The following BRF1 variants were observed in gnomAD, a reference collection of about 807,000 sequenced individuals.
The protein encoded by BRF1 is transcription factor IIIB 90 kDa subunit.
Under a neutral mutation model 81.7 loss-of-function variants are expected in BRF1, and 59 were observed. The observed-to-expected ratio is 0.72, with a 90% CI of 0.59 to 0.90. The LOEUF (loss-of-function observed/expected upper bound fraction) is 0.90. Ranked by LOEUF, BRF1 falls within the 40% of genes least tolerant of loss-of-function variation. The probability of loss-of-function intolerance (pLI) is 0.00; values close to 1 mark genes in which losing one functional copy is unlikely to be tolerated. For synonymous variants in BRF1, 491 were observed against 395.6 expected (o/e 1.24, Z -2.86); for missense variants, 1,050 against 936.3 (o/e 1.12, Z -1.58).
chr14:105,268,850 G>T lies in BRF1; in HGVS notation c.439+3871C>A, dbSNP rs587659196. 2.6e-5 allele frequency among the ~76,000 whole-genome samples: 4 copies of T among 152,322 alleles called. No individual in the cohort carries two copies. The East Asian group carries it at 7.7e-4, about 29-fold the overall frequency. On this transcript the variant is annotated intron_variant, in intron 3 of 17. Coordinates refer to ENST00000547530, the MANE Select transcript of BRF1 (RefSeq NM_001519.4). ...GCGAGTCCAGAAGGTGACGGGAGCTGTGCAGGCAGCAGGGCTGGGCCAAGC... is the reference window on the plus strand; with the variant it reads ...GCGAGTCCAGAAGGTGACGGGAGCTTTGCAGGCAGCAGGGCTGGGCCAAGC...
chr14:105,209,474 G>A lies in BRF1; in HGVS notation c.*1077C>T. 2.9e-6 allele frequency: 2 copies of A among 700,458 alleles called. No individual in the cohort carries two copies. The highest frequency in any genetic ancestry group is 5.2e-6 in the Non-Finnish European group (2 of 384,180). The allele number at this position is 700,458 out of a possible 1,614,324, so 43.4% of individuals were successfully genotyped here. A position where few individuals can be genotyped will look rare whatever the true frequency, so the allele number is the denominator to read the frequency against. Reference sequence around the variant, plus strand: ...CATGGGGAGGATGAGGCCCCTGGGGGTCAGTGAGGCACGGCTCTGCCTCAA... The same window carrying A: ...CATGGGGAGGATGAGGCCCCTGGGGATCAGTGAGGCACGGCTCTGCCTCAA... On this transcript the variant is annotated 3_prime_UTR_variant, in exon 18 of 18. Coordinates refer to ENST00000547530, the MANE Select transcript of BRF1 (RefSeq NM_001519.4).
chr14:105,302,225 CG>C (rs1196871668), upstream of BRF1, among the ~76,000 whole-genome samples: 1 of 137,428 alleles, frequency 7.3e-6, no homozygotes, highest in Non-Finnish European at 1.5e-5. Context: ...TTTTTTGAGA[CG>C]GAGTCTCTGC....
intron 2 of BRF1, among the ~76,000 whole-genome samples, chr14:105,280,208 T>A (rs1259944052): frequency 6.6e-6 from 1 of 152,210 alleles, no homozygotes; most frequent in East Asian, 1.9e-4. Flanking sequence ...TACTCACCAC[T>A]AAAGAGAAAG....
chr14:105,261,438 C>A (rs888669523), intron 3 of BRF1, among the ~76,000 whole-genome samples: 1 of 152,128 alleles, frequency 6.6e-6, no homozygotes, highest in Non-Finnish European at 1.5e-5. Flanking sequence ...CAGCTGTGGA[C>A]AACACAGCGA....
chr14:105,310,050 C>G (rs981565174), intron 1 of BRF1, among the ~76,000 whole-genome samples: 1 of 151,608 alleles, frequency 6.6e-6, no homozygotes, highest in Non-Finnish European at 1.5e-5. Flanking sequence ...TCCCAAAGTG[C>G]TGGGATTACA....
intron 10 of BRF1, among the ~76,000 whole-genome samples, chr14:105,223,184 C>A (rs1166581600): frequency 1.3e-5 from 2 of 152,158 alleles, no homozygotes; most frequent in Admixed American, 6.6e-5. Flanking sequence ...CAGAGTAAGA[C>A]CGTCTCAAAA....
chr14:105,244,506 T>C (rs1259084462), intron 5 of BRF1, among the ~76,000 whole-genome samples: 1 of 97,020 alleles, frequency 1.0e-5, no homozygotes, highest in Non-Finnish European at 2.7e-5. Context: ...GTGACTAGGG[T>C]GGAGGAGGAA....
intron 3 of BRF1, among the ~76,000 whole-genome samples, chr14:105,256,932 A>G (rs1203598322): frequency 6.6e-6 from 1 of 152,108 alleles, no homozygotes; most frequent in Admixed American, 6.5e-5. Context: ...CTGCCCACAC[A>G]CAGCACAGAA....
chr14:105,247,753 C>A (rs866729383), intron 5 of BRF1: 17 of 985,402 alleles, frequency 1.7e-5, no homozygotes, highest in Non-Finnish European at 4.8e-6. Flanking sequence ...CGGGGAGGAA[C>A]CCTCCTGACA....
intron 5 of BRF1, chr14:105,249,400 T>C (rs1021200673): frequency 6.2e-7 from 1 of 1,613,312 alleles, no homozygotes; most frequent in Non-Finnish European, 8.5e-7. Flanking sequence ...TATGCCATGT[T>C]CTACGGAGAC....
At chr14:105,244,861 T>C (rs988421874) in intron 5 of BRF1, among the ~76,000 whole-genome samples, 2 of 151,584 alleles carry the variant, frequency 1.3e-5, no homozygotes, top group Admixed American at 1.3e-4. Context: ...GGGACAGTTA[T>C]GAAAATGACC....
intron 8 of BRF1, 27 bp downstream of exon 8, chr14:105,226,605 GCA>G: frequency 1.2e-6 from 2 of 1,612,270 alleles, no homozygotes; most frequent in Non-Finnish European, 1.7e-6. Context: ...GGCAAGCCCA[GCA>G]CAGACAGACA....
At chr14:105,243,087 G>T (rs2054818939) in intron 5 of BRF1, among the ~76,000 whole-genome samples, 1 of 152,108 alleles carries the variant, frequency 6.6e-6, no homozygotes, top group Admixed American at 6.6e-5. Flanking sequence ...CTGCACTCCA[G>T]CCTGGATGAC....
At chr14:105,217,450 C>G in intron 15 of BRF1, 94 bp downstream of exon 15, 1 of 1,544,208 alleles carries the variant, frequency 6.5e-7, no homozygotes, top group Admixed American at 1.8e-5. Flanking sequence ...TCTGTGGCCC[C>G]GGCTGGCCCC....
chr14:105,312,841 C>T (rs1283191683), intron 1 of BRF1, among the ~76,000 whole-genome samples: 3 of 152,214 alleles, frequency 2.0e-5, no homozygotes, highest in Non-Finnish European at 2.9e-5. Flanking sequence ...TGGTGTGTTT[C>T]GTGTCCCTGC....
chr14:105,289,007 G>C (rs1461415028), intron 1 of BRF1, among the ~76,000 whole-genome samples: 1 of 146,974 alleles, frequency 6.8e-6, no homozygotes, highest in African/African-American at 2.5e-5. Flanking sequence ...CTGCACTCCA[G>C]CCTGGGTGAC....
intron 7 of BRF1, chr14:105,226,964 AT>A: frequency 8.1e-6 from 5 of 615,050 alleles, no homozygotes; most frequent in South Asian, 4.1e-5. Flanking sequence ...AAAAAAAAAA[AT>A]TAGCCACGCA....
At position 105,284,426 on chromosome 14, in the gene BRF1, C is replaced by T. The variant is rs929623486; in HGVS notation, c.265+1870G>A. Among the ~76,000 whole-genome samples, 16 of 152,174 alleles carry T rather than the reference C, an allele frequency of 1.1e-4. No individual in the cohort carries two copies. The highest frequency in any genetic ancestry group is 2.9e-4 in the African/African-American group (12 of 41,440). On this transcript the variant is annotated intron_variant, in intron 2 of 17. Transcript: ENST00000547530. The surrounding 1 kb of genome is among the most constrained non-coding windows in gnomAD (Gnocchi z 4.0). ...AGGTGTGTCGGTGCTGGCCACCCGT[C>T]GGCAGCAGCAGCCAGGAGCAGAGGC... is the stretch of plus-strand genomic sequence containing the variant.
intron 3 of BRF1, among the ~76,000 whole-genome samples, chr14:105,261,171 C>T (rs1422495604): frequency 6.6e-6 from 1 of 152,260 alleles, no homozygotes; most frequent in Non-Finnish European, 1.5e-5. Flanking sequence ...GCCCCTGCCA[C>T]GCTGTGCCGG....
Sources: gnomAD v4.1 joint callset for allele counts (sites outside exome capture counted in the v4.1 genomes callset) on GRCh38, gnomAD v4.1.1 for gene constraint, Gnocchi (gnomAD v3.1) non-coding constraint, MANE v1.5 for transcripts, NCBI Gene and HGNC (gene_info 2026-07-23, HGNC 2026-07-21) for gene names.